Variants in PACSIN2 observed in about 807,000 individuals in gnomAD.
PACSIN2 encodes the protein protein kinase C and casein kinase substrate in neurons 2, also known as protein kinase C and casein kinase substrate in neurons protein 2.
In PACSIN2, 25 loss-of-function variants were observed where a neutral mutation model predicts 63.8. That is an observed-to-expected ratio of 0.39 (90% CI 0.29 to 0.55). PACSIN2 has a LOEUF of 0.55. Among genes scored for constraint, PACSIN2 ranks in the 20% least tolerant of loss-of-function variants. The pLI is 0.62. For missense variants in PACSIN2, 518 were observed against 646.9 expected, an observed-to-expected ratio of 0.80 and a Z score of 2.16; for synonymous variants, 255 against 256.2, an observed-to-expected ratio of 1.00 and a Z score of 0.05.
intron 2 of PACSIN2, among the ~76,000 whole-genome samples, chr22:42,908,261 T>C (rs1418390886): frequency 6.6e-6 from 1 of 152,154 alleles, no homozygotes; most frequent in African/African-American, 2.4e-5. Flanking sequence ...GTTCCTAAAA[T>C]AAGTGGCGTC....
chr22:42,946,062 C>G (rs764984125), intron 1 of PACSIN2, among the ~76,000 whole-genome samples: 13 of 152,304 alleles, frequency 8.5e-5, no homozygotes, highest in Non-Finnish European at 1.6e-4. Flanking sequence ...TCAGCTCCAC[C>G]CCTTCACACA....
chr22:42,940,395 G>T (rs1442667890), intron 1 of PACSIN2, among the ~76,000 whole-genome samples: 3 of 152,314 alleles, frequency 2.0e-5, no homozygotes, highest in Middle Eastern at 3.4e-3. Flanking sequence ...TGTGTTTGCT[G>T]AATGAGTAAC....
intron 6 of PACSIN2, among the ~76,000 whole-genome samples, chr22:42,883,372 C>T (rs1929219721): frequency 6.6e-6 from 1 of 152,212 alleles, no homozygotes; most frequent in East Asian, 1.9e-4. Flanking sequence ...ATGATTGTTA[C>T]ACAGAGGGAG....
chr22:42,895,251 G>C (rs1381608510), intron 2 of PACSIN2, among the ~76,000 whole-genome samples: 1 of 152,186 alleles, frequency 6.6e-6, no homozygotes, highest in Admixed American at 6.5e-5. Context: ...GACATTATGT[G>C]GTTGCTTCCC....
At chr22:42,955,246 C>T (rs1933864464) in intron 1 of PACSIN2, among the ~76,000 whole-genome samples, 1 of 152,158 alleles carries the variant, frequency 6.6e-6, no homozygotes, top group Non-Finnish European at 1.5e-5. Context: ...CTGATGTGAA[C>T]TGCGTGGACA....
intron 1 of PACSIN2, among the ~76,000 whole-genome samples, chr22:42,953,160 A>G (rs534153047): frequency 6.6e-6 from 1 of 152,326 alleles, no homozygotes; most frequent in East Asian, 1.9e-4. Flanking sequence ...GAGAGGGCAT[A>G]TGGAGTTAAA....
intron 7 of PACSIN2, 35 bp from the exon 8 acceptor site, chr22:42,879,204 G>T (rs540629585): frequency 1.7e-5 from 28 of 1,602,254 alleles, no homozygotes; most frequent in Non-Finnish European, 2.3e-5. Context: ...GAAACCAAAG[G>T]TTCACTACTT....
chr22:42,971,293 G>A (rs1921245095), intron 1 of PACSIN2, among the ~76,000 whole-genome samples: 1 of 152,148 alleles, frequency 6.6e-6, no homozygotes, highest in Non-Finnish European at 1.5e-5. Context: ...CGCCGTGTTG[G>A]CCGGGCTGGT....
intron 1 of PACSIN2, among the ~76,000 whole-genome samples, chr22:43,003,270 A>G (rs1482758590): frequency 6.6e-6 from 1 of 152,238 alleles, no homozygotes; most frequent in African/African-American, 2.4e-5. Flanking sequence ...AGAAAGCAAA[A>G]AAGAAGTCAT....
rs1928037167 is a variant in PACSIN2, at chr22:42,870,676, A to G, written c.*681T>C. The G allele has an allele frequency of 6.6e-6, 1 of 152,224 alleles. No individual in the cohort carries two copies. Among genetic ancestry groups the G allele is most frequent in the South Asian group, 2.1e-4 (1 of 4,836 alleles). 9.4% of individuals were successfully genotyped at this position (152,224 alleles called of 1,614,324 possible). ...GGGAGTTCTACCTAAGGTTCTATGT[A>G]AAGCTTCCATTCAGATGCCCAAAAG... On this transcript the variant is annotated 3_prime_UTR_variant, in exon 11 of 11. Transcript: ENST00000263246.
At chr22:42,921,266 G>A (rs1179865085) in intron 1 of PACSIN2, among the ~76,000 whole-genome samples, 1 of 151,874 alleles carries the variant, frequency 6.6e-6, no homozygotes, top group Non-Finnish European at 1.5e-5. Context: ...GGCTGAGCCA[G>A]GAGAATCATT....
intron 1 of PACSIN2, among the ~76,000 whole-genome samples, chr22:42,955,014 T>C (rs1032779280): frequency 2.0e-5 from 3 of 152,150 alleles, no homozygotes; most frequent in African/African-American, 7.2e-5. Flanking sequence ...CTCCCGCTGC[T>C]TCTCTTGGGT....
At chr22:42,919,532 C>T (rs1047548741) in intron 1 of PACSIN2, among the ~76,000 whole-genome samples, 2 of 151,910 alleles carry the variant, frequency 1.3e-5, no homozygotes, top group East Asian at 1.9e-4. Context: ...TCCAGCACTT[C>T]GGGAGGCTGA....
At chr22:42,951,893 G>A (rs1040610984) in intron 1 of PACSIN2, among the ~76,000 whole-genome samples, 3 of 152,158 alleles carry the variant, frequency 2.0e-5, no homozygotes, top group African/African-American at 7.2e-5. Context: ...TGACCTCCAT[G>A]TGGTTCTCCA....
chr22:42,908,211 C>T (rs973314801), intron 2 of PACSIN2, among the ~76,000 whole-genome samples: 4 of 152,212 alleles, frequency 2.6e-5, no homozygotes, highest in Admixed American at 6.5e-5. Flanking sequence ...GCAGAAATCC[C>T]GCCTCCGGGG....
At chr22:42,969,099 C>T (rs914966353) in intron 1 of PACSIN2, among the ~76,000 whole-genome samples, 2 of 145,652 alleles carry the variant, frequency 1.4e-5, no homozygotes, top group East Asian at 2.5e-4. Context: ...AATACAGCCA[C>T]GTAGTAAGTA....
intron 1 of PACSIN2, among the ~76,000 whole-genome samples, chr22:42,926,718 G>C (rs1932558975): frequency 6.6e-6 from 1 of 151,892 alleles, no homozygotes; most frequent in Admixed American, 6.6e-5. Context: ...TGTGGTCCCA[G>C]CTCCTCAGGA....
At chr22:42,987,497 T>C (rs4822243) in intron 1 of PACSIN2, among the ~76,000 whole-genome samples, 37,487 of 82,676 alleles carry the variant, frequency 0.45, 7,008 homozygotes, top group East Asian at 0.68. Context: ...CACACACCCA[T>C]GGCACCATGT....
chr22:42,924,510 G>GC (rs1171767916), intron 1 of PACSIN2, among the ~76,000 whole-genome samples: 1 of 151,880 alleles, frequency 6.6e-6, no homozygotes, highest in Admixed American at 6.6e-5. Context: ...CTGCTCTTAA[G>GC]CCCCCCATGC....
Sources: gnomAD v4.1 joint callset for allele counts (sites outside exome capture counted in the v4.1 genomes callset) on GRCh38, gnomAD v4.1.1 for gene constraint, MANE v1.5 for transcripts, NCBI Gene and HGNC (gene_info 2026-07-23, HGNC 2026-07-21) for gene names.